The following COL22A1 variants were observed in gnomAD, a reference collection of about 807,000 sequenced individuals.
COL22A1 encodes collagen alpha-1(XXII) chain.
In COL22A1, 221 loss-of-function variants were observed where a neutral mutation model predicts 248.9. The ratio of observed to expected loss-of-function variants is 0.89; its 90% CI spans 0.80 to 0.99. The LOEUF is 0.99. Ranked by LOEUF, COL22A1 falls within the 50% of genes least tolerant of loss-of-function variation. The probability of loss-of-function intolerance (pLI) is 0.00; values close to 1 mark genes in which losing one functional copy is unlikely to be tolerated. For synonymous variants in COL22A1, 891 were observed against 793.4 expected, an observed-to-expected ratio of 1.12 and a Z score of -2.07; for missense variants, 2,240 against 2,179.0, an observed-to-expected ratio of 1.03 and a Z score of -0.56.
intron 11 of COL22A1, among the ~76,000 whole-genome samples, chr8:138,802,028 C>T (rs1391284269): frequency 6.6e-6 from 1 of 152,204 alleles, no homozygotes; most frequent in African/African-American, 2.4e-5. Flanking sequence ...TTAGTGCTTC[C>T]ACCAGGACAG....
intron 1 of COL22A1, among the ~76,000 whole-genome samples, chr8:138,897,449 T>C (rs1316810781): frequency 6.6e-6 from 1 of 152,064 alleles, no homozygotes; most frequent in Non-Finnish European, 1.5e-5. Flanking sequence ...CTCAGGAGGC[T>C]GAGGCAGGAG....
chr8:138,679,632 T>C lies in COL22A1; in HGVS notation c.3057A>G (p.Gly1019=). ...CTTCACTGACCTTAACACATTGCCC[T>C]CCCAGTGCACAGTTTTCTGACCCTC... ...KVRGSENCAL[G]GQCVKGDRGA... Residue 1019 remains glycine (G), a synonymous_variant, in exon 40 of 65, where the codon GGA becomes GGG. Coordinates refer to ENST00000303045, the MANE Select transcript of COL22A1 (RefSeq NM_152888.3). The C allele has an allele frequency of 6.2e-7, 1 of 1,614,078 alleles. No individual in the cohort carries two copies. Among genetic ancestry groups the C allele is most frequent in the African/African-American group, 1.3e-5 (1 of 75,062 alleles).
chr8:138,780,546 A>G (rs1261162602), intron 13 of COL22A1, among the ~76,000 whole-genome samples: 1 of 152,138 alleles, frequency 6.6e-6, no homozygotes, highest in Non-Finnish European at 1.5e-5. Flanking sequence ...GGCTTGCCAC[A>G]TAGGGTGTGG....
chr8:138,657,951 A>AT (rs1275621451), intron 44 of COL22A1, among the ~76,000 whole-genome samples: 1 of 147,132 alleles, frequency 6.8e-6, no homozygotes, highest in East Asian at 1.9e-4. Flanking sequence ...TTGAACACAC[A>AT]TTTTTTACTG....
chr8:138,594,200 C>G lies in COL22A1; in HGVS notation c.4433-1G>C, dbSNP rs1817330083. The G allele has an allele frequency of 6.4e-7, 1 of 1,566,412 alleles. No individual in the cohort carries two copies. The highest frequency in any genetic ancestry group is 8.6e-7 in the Non-Finnish European group (1 of 1,162,742). ...TGGGCCAGGAGGTAGGCGAGTCTGG[C>G]TGTAAAGTAGAAAAAGAGAGGCATT... is the stretch of plus-strand genomic sequence containing the variant. On this transcript the variant is annotated splice_acceptor_variant, in intron 62 of 64. Coordinates refer to ENST00000303045, the MANE Select transcript of COL22A1 (RefSeq NM_152888.3). LOFTEE classifies it high-confidence loss of function.
intron 3 of COL22A1, among the ~76,000 whole-genome samples, chr8:138,861,778 C>T (rs77017205): frequency 6.8e-4 from 103 of 152,282 alleles, no homozygotes; most frequent in African/African-American, 2.4e-3. Context: ...AGCAGTACTC[C>T]TCTCTTGGTC....
chr8:138,646,147 C>A (rs1338916693), intron 47 of COL22A1, among the ~76,000 whole-genome samples: 2 of 152,196 alleles, frequency 1.3e-5, no homozygotes, highest in Non-Finnish European at 2.9e-5. Context: ...AACCACAGAG[C>A]CACAGAGCTG....
chr8:138,605,252 G>T (rs1162615369), intron 58 of COL22A1, among the ~76,000 whole-genome samples: 2 of 152,186 alleles, frequency 1.3e-5, no homozygotes, highest in Non-Finnish European at 1.5e-5. Context: ...AACAGTGGTT[G>T]TACCTGCCTC....
chr8:138,774,944 T>G (rs1814285128), intron 16 of COL22A1, among the ~76,000 whole-genome samples: 2 of 152,184 alleles, frequency 1.3e-5, no homozygotes, highest in African/African-American at 4.8e-5. Flanking sequence ...ACTCCCCATG[T>G]GTAAGAATTC....
intron 59 of COL22A1, 118 bp downstream of exon 59, chr8:138,604,616 T>C (rs1011640494): frequency 3.7e-6 from 3 of 820,812 alleles, no homozygotes; most frequent in Admixed American, 2.2e-5. Context: ...TTCAAAACAG[T>C]GAAGGTAGAG....
intron 34 of COL22A1, 27 bp downstream of exon 34, chr8:138,694,481 C>T: frequency 6.2e-7 from 1 of 1,611,248 alleles, no homozygotes. Flanking sequence ...GTCTCTGAGC[C>T]AGCAGGGGAA....
At chr8:138,726,966 C>T (rs1363450706) in intron 23 of COL22A1, among the ~76,000 whole-genome samples, 1 of 152,054 alleles carries the variant, frequency 6.6e-6, no homozygotes, top group East Asian at 1.9e-4. Context: ...GAAGGGTGGA[C>T]ATGGGGTTAT....
intron 7 of COL22A1, among the ~76,000 whole-genome samples, chr8:138,815,427 A>G (rs1035957904): frequency 4.6e-5 from 7 of 152,054 alleles, no homozygotes; most frequent in African/African-American, 1.4e-4. Flanking sequence ...CGCTCTCCCC[A>G]GGCCCTGCAG....
chr8:138,785,583 G>T (rs1004566180), intron 12 of COL22A1, among the ~76,000 whole-genome samples: 2 of 152,196 alleles, frequency 1.3e-5, no homozygotes, highest in African/African-American at 4.8e-5. Context: ...CTGTCTTCTG[G>T]CTCTGGTGGG....
At chr8:138,794,875 A>G (rs983593769) in intron 12 of COL22A1, among the ~76,000 whole-genome samples, 1 of 152,200 alleles carries the variant, frequency 6.6e-6, no homozygotes, top group Non-Finnish European at 1.5e-5. Flanking sequence ...CTAGAATTAA[A>G]GAGTAGAAAA....
chr8:138,755,683 T>C, intron 19 of COL22A1, 102 bp downstream of exon 19: 4 of 1,407,434 alleles, frequency 2.8e-6, no homozygotes, highest in African/African-American at 1.4e-5. Context: ...ATCCAACCCA[T>C]GTCCTTGGAA....
At chr8:138,704,381 G>C (rs1201502570) in intron 30 of COL22A1, among the ~76,000 whole-genome samples, 1 of 152,174 alleles carries the variant, frequency 6.6e-6, no homozygotes, top group Non-Finnish European at 1.5e-5. Context: ...TCCCAGTAGG[G>C]GCCAACTGAA....
At chr8:138,643,612 A>AGATAGATAGAT in intron 47 of COL22A1, among the ~76,000 whole-genome samples, 1 of 33,510 alleles carries the variant, frequency 3.0e-5, no homozygotes, top group South Asian at 1.1e-3. Context: ...TATGCAATAT[A>AGATAGATAGAT]GATAGATAGA....
chr8:138,642,997 C>A (rs1350205420), intron 47 of COL22A1, among the ~76,000 whole-genome samples: 1 of 151,134 alleles, frequency 6.6e-6, no homozygotes, highest in African/African-American at 2.4e-5. Context: ...CCACTGCGCT[C>A]CAGCCTGGGC....
Sources: gnomAD v4.1 joint callset for allele counts (sites outside exome capture counted in the v4.1 genomes callset) on GRCh38, gnomAD v4.1.1 for gene constraint, MANE v1.5 for transcripts, NCBI Gene and HGNC (gene_info 2026-07-23, HGNC 2026-07-21) for gene names.